Variants in WHAMM observed in about 807,000 individuals in gnomAD.
WHAMM encodes the protein WASP homolog associated with actin, golgi membranes and microtubules, also known as WASP homolog-associated protein with actin, membranes and microtubules.
WHAMM carries 67 observed loss-of-function variants against 76.5 expected under a neutral mutation model. That is an observed-to-expected ratio of 0.88 (90% CI 0.72 to 1.07). WHAMM has a LOEUF of 1.07. Ranked by LOEUF, WHAMM falls within the 50% of genes least tolerant of loss-of-function variation. The pLI is 0.00. For synonymous variants in WHAMM, 419 were observed against 422.1 expected, an observed-to-expected ratio of 0.99 and a Z score of 0.09; for missense variants, 1,021 against 1,051.1, an observed-to-expected ratio of 0.97 and a Z score of 0.40.
intron 2 of WHAMM, among the ~76,000 whole-genome samples, chr15:82,814,363 A>T (rs1347365821): frequency 6.6e-6 from 1 of 152,232 alleles, no homozygotes; most frequent in Non-Finnish European, 1.5e-5. Context: ...GATGAGAGTC[A>T]TACCACTCTA....
chr15:82,822,932 AC>A (rs2050859052), intron 5 of WHAMM, among the ~76,000 whole-genome samples, 167 bp from the exon 6 acceptor site: 1 of 152,140 alleles, frequency 6.6e-6, no homozygotes, highest in South Asian at 2.1e-4. Flanking sequence ...TCATGTATAT[AC>A]ACATGTGTGC....
At position 82,813,150 on chromosome 15, in the gene WHAMM, C is replaced by T. The variant is rs376979114; in HGVS notation, c.657C>T (p.Asn219=). 1.1e-5 allele frequency: 17 copies of T among 1,609,176 alleles called. No homozygotes were observed. The highest frequency in any genetic ancestry group is 1.4e-5 in the Non-Finnish European group (16 of 1,178,778). ...GKANTMVALM[N]VYQEEDEAYQ... ...CCAACACCATGGTAGCATTAATGAACGTTTACCAAGAGGAAGATGAAGCAT... is the reference window on the plus strand; with the variant it reads ...CCAACACCATGGTAGCATTAATGAATGTTTACCAAGAGGAAGATGAAGCAT... The change falls in exon 2 of 10, where the codon AAC becomes AAT. Residue 219 remains asparagine, a synonymous_variant. Transcript: ENST00000286760.
At chr15:82,824,323 A>AATAT (rs145305149) in intron 6 of WHAMM, among the ~76,000 whole-genome samples, 8 of 147,836 alleles carry the variant, frequency 5.4e-5, no homozygotes, top group Non-Finnish European at 9.0e-5. Context: ...ACACCCGGCT[A>AATAT]ATATATATAT....
At chr15:82,820,818 C>T (rs746911203) in intron 5 of WHAMM, among the ~76,000 whole-genome samples, 2 of 150,236 alleles carry the variant, frequency 1.3e-5, no homozygotes, top group Non-Finnish European at 2.9e-5. Context: ...TCGCTTGAAC[C>T]TGGGAGGTGG....
intron 7 of WHAMM, 73 bp from the exon 8 acceptor site, chr15:82,826,678 A>T: frequency 6.5e-7 from 1 of 1,529,218 alleles, no homozygotes; most frequent in South Asian, 1.2e-5. Context: ...CTTTGCTGAG[A>T]CATTTTTATT....
In WHAMM at chr15:82,810,013, C is replaced by A; in HGVS notation, c.287C>A (p.Ala96Glu). ...CGCGGCGCGCACCGGCAGTTGGCGGCGCTGTGGCCGCCTCTGGAGCGCTGC... is the reference window on the plus strand; with the variant it reads ...CGCGGCGCGCACCGGCAGTTGGCGGAGCTGTGGCCGCCTCTGGAGCGCTGC... ...GLRGAHRQLA[A>E]LWPPLERCFP... The change falls in exon 1 of 10, where the codon GCG (alanine) becomes GAG (glutamate). Residue 96 changes from alanine (A) to glutamate (E), a missense_variant. This residue lies in a region of WHAMM where 501 missense variants were observed against 524.9 expected (regional missense o/e 0.95). Coordinates refer to ENST00000286760, the MANE Select transcript of WHAMM (RefSeq NM_001080435.3). 2 of 1,259,540 alleles carry A rather than the reference C, an allele frequency of 1.6e-6. No individual in the cohort carries two copies. Among genetic ancestry groups the A allele is most frequent in the East Asian group, 6.7e-5 (2 of 29,822 alleles). The allele number at this position is 1,259,540 out of a possible 1,614,324, so 78.0% of individuals were successfully genotyped here. A position where few individuals can be genotyped will look rare whatever the true frequency, so the allele number is the denominator to read the frequency against.
intron 9 of WHAMM, among the ~76,000 whole-genome samples, chr15:82,832,087 C>T (rs544624916): frequency 2.6e-5 from 4 of 152,292 alleles, no homozygotes; most frequent in East Asian, 3.9e-4. Context: ...AAAGAGTTCG[C>T]GTGGCTGTGT....
rs2151563225 is a variant in WHAMM, at chr15:82,819,409, T to C, written c.1191T>C (p.Tyr397=). 8.1e-7 allele frequency: 1 copy of C among 1,227,272 alleles called. No homozygotes were observed. The highest frequency in any genetic ancestry group is 3.0e-5 in the East Asian group (1 of 33,650). 76.0% of individuals were successfully genotyped at this position (1,227,272 alleles called of 1,614,324 possible). Residue 397 remains tyrosine, a synonymous_variant, in exon 5 of 10, where the codon TAT becomes TAC. Coordinates refer to ENST00000286760, the MANE Select transcript of WHAMM (RefSeq NM_001080435.3). ...IQFYEIQLEL[Y]EVKFEILKNE... is the part of the protein sequence containing the mutation. ...TTTATGAAATTCAATTAGAACTATA[T>C]GAAGTTAAATTTGAGATATTAAAAA...
chr15:82,820,300 T>C (rs2151564043), intron 5 of WHAMM, among the ~76,000 whole-genome samples: 1 of 152,312 alleles, frequency 6.6e-6, no homozygotes, highest in Admixed American at 6.5e-5. Flanking sequence ...AATAAAAGTA[T>C]CAAAATTTTA....
In WHAMM at chr15:82,830,831, G is replaced by C; in HGVS notation, c.1874G>C (p.Gly625Ala). Residue 625 changes from glycine to alanine, a missense_variant, in exon 9 of 10, where the codon GGT (glycine) becomes GCT (alanine). Around this residue, in one of 3 missense-constraint regions of WHAMM, gnomAD observed 509 missense variants for 492.3 expected, o/e 1.03. Coordinates refer to ENST00000286760, the MANE Select transcript of WHAMM (RefSeq NM_001080435.3). ...NIPVQVFVPVGDQTHSKSSEE... is the reference protein window; with the variant it reads ...NIPVQVFVPVADQTHSKSSEE... Reference sequence around the variant, plus strand: ...CCTGTCCAGGTTTTTGTTCCAGTTGGTGATCAAACACATTCCAAATCCAGT... The same window carrying C: ...CCTGTCCAGGTTTTTGTTCCAGTTGCTGATCAAACACATTCCAAATCCAGT... 6.2e-7 allele frequency: 1 copy of C among 1,600,434 alleles called. No individual in the cohort carries two copies.
intron 8 of WHAMM, among the ~76,000 whole-genome samples, chr15:82,828,350 T>G (rs943915591): frequency 1.8e-4 from 27 of 152,126 alleles, no homozygotes; most frequent in African/African-American, 5.1e-4. Flanking sequence ...CTGGAGAGCT[T>G]CTTCTAAGTA....
chr15:82,824,862 T>G (rs1435648206), intron 6 of WHAMM, among the ~76,000 whole-genome samples: 2 of 152,194 alleles, frequency 1.3e-5, no homozygotes, highest in Non-Finnish European at 2.9e-5. Context: ...ATACAAATAC[T>G]TAAGAAAAAC....
chr15:82,827,193 T>C (rs1345406782), intron 8 of WHAMM, among the ~76,000 whole-genome samples: 3 of 152,224 alleles, frequency 2.0e-5, no homozygotes. Context: ...CCCTCATTTG[T>C]AATAAACAAT....
Position 82,833,690 on chromosome 15 carries a change from T to C in WHAMM, c.*154T>C. Reference sequence around the variant, plus strand: ...CCTTGTGTAGGCTGCTGCAGCATTTTTTTTTTTTTTCTTTTTTGAGATGGA... The same window carrying C: ...CCTTGTGTAGGCTGCTGCAGCATTTCTTTTTTTTTTCTTTTTTGAGATGGA... On this transcript the variant is annotated 3_prime_UTR_variant, in exon 10 of 10. Coordinates refer to ENST00000286760, the MANE Select transcript of WHAMM (RefSeq NM_001080435.3). The C allele has an allele frequency of 1.2e-6, 1 of 833,746 alleles. No individual in the cohort carries two copies. Among genetic ancestry groups the C allele is most frequent in the Non-Finnish European group, 1.8e-6 (1 of 556,432 alleles). The allele number at this position is 833,746 out of a possible 1,614,324, so 51.6% of individuals were successfully genotyped here.
At position 82,809,957 on chromosome 15, in the gene WHAMM, C is replaced by G. The variant is rs2050596804; in HGVS notation, c.231C>G (p.Ser77Arg). Residue 77 changes from serine to arginine, a missense_variant, in exon 1 of 10, where the codon AGC (serine) becomes AGG (arginine). This residue lies in a region of WHAMM where 501 missense variants were observed against 524.9 expected (regional missense o/e 0.95). Coordinates refer to ENST00000286760, the MANE Select transcript of WHAMM (RefSeq NM_001080435.3). ...PKPEAAVSPS[S>R]WAGLLSAAGL... ...CTGAGGCCGCCGTCTCCCCGTCCAG[C>G]TGGGCCGGCCTGCTCTCGGCCGCGG... 1 of 1,362,060 alleles carries G rather than the reference C, an allele frequency of 7.3e-7. No homozygotes were observed. The highest frequency in any genetic ancestry group is 1.5e-5 in the African/African-American group (1 of 66,550). 84.4% of individuals were successfully genotyped at this position (1,362,060 alleles called of 1,614,324 possible).
At position 82,813,181 on chromosome 15, in the gene WHAMM, GA is replaced by G. The variant is rs2151556620; in HGVS notation, c.690del (p.Glu230AspfsTer32). ...VYQEEDEAYQ[E>X]LVTVATMFFQ... ...CCAAGAGGAAGATGAAGCATACCAG[GA>G]ATTGGTTACCGTGGCAACCATGTTC... is the stretch of plus-strand genomic sequence containing the variant. On this transcript the variant is annotated frameshift_variant, in exon 2 of 10. Coordinates refer to ENST00000286760, the MANE Select transcript of WHAMM (RefSeq NM_001080435.3). LOFTEE classifies it high-confidence loss of function. 3.1e-6 allele frequency: 5 copies of G among 1,613,044 alleles called. No homozygotes were observed. In the East Asian group the frequency reaches 1.1e-4, roughly 36 times the overall value.
At position 82,833,632 on chromosome 15, in the gene WHAMM, T is replaced by C; in HGVS notation, c.*96T>C. ...AGCATACTAACAGGGTGCTGATAGA[T>C]GGGCCACATAACACCCCGGAAGATC... On this transcript the variant is annotated 3_prime_UTR_variant, in exon 10 of 10. Transcript: ENST00000286760. 3 of 1,349,726 alleles carry C rather than the reference T, an allele frequency of 2.2e-6. No individual in the cohort carries two copies. The highest frequency in any genetic ancestry group is 3.0e-6 in the Non-Finnish European group (3 of 994,434). 83.6% of individuals were successfully genotyped at this position (1,349,726 alleles called of 1,614,324 possible). A position where few individuals can be genotyped will look rare whatever the true frequency, so the allele number is the denominator to read the frequency against.
intron 8 of WHAMM, among the ~76,000 whole-genome samples, chr15:82,828,438 G>A (rs1239405473): frequency 6.6e-6 from 1 of 152,172 alleles, no homozygotes; most frequent in African/African-American, 2.4e-5. Flanking sequence ...GCAGCAGGAA[G>A]CATGAATTGA....
intron 9 of WHAMM, among the ~76,000 whole-genome samples, chr15:82,831,658 C>T (rs2051034096): frequency 6.6e-6 from 1 of 152,186 alleles, no homozygotes; most frequent in South Asian, 2.1e-4. Context: ...AAGTGCAGTA[C>T]ACTGAATACT....
Sources: gnomAD v4.1 joint callset for allele counts (sites outside exome capture counted in the v4.1 genomes callset) on GRCh38, gnomAD v4.1.1 for gene constraint, gnomAD v4.1.1 regional missense constraint, MANE v1.5 for transcripts, NCBI Gene and HGNC (gene_info 2026-07-23, HGNC 2026-07-21) for gene names.